Variants in PRDM15 observed in about 807,000 individuals in gnomAD.
PRDM15 encodes PR domain zinc finger protein 15.
Under a neutral mutation model 128.6 loss-of-function variants are expected in PRDM15, and 64 were observed. The observed-to-expected ratio is 0.50, with a 90% CI of 0.41 to 0.61. PRDM15 has a LOEUF of 0.61. Among genes scored for constraint, PRDM15 ranks in the 20% least tolerant of loss-of-function variants. The probability of loss-of-function intolerance (pLI) is 0.00; values close to 1 mark genes in which losing one functional copy is unlikely to be tolerated. For synonymous variants in PRDM15, 615 were observed against 621.8 expected, an observed-to-expected ratio of 0.99 and a Z score of 0.16; for missense variants, 1,242 against 1,569.1, an observed-to-expected ratio of 0.79 and a Z score of 3.52.
intron 1 of PRDM15, among the ~76,000 whole-genome samples, chr21:41,876,507 C>A (rs556785300): frequency 1.4e-4 from 22 of 152,308 alleles, no homozygotes; most frequent in Non-Finnish European, 3.1e-4. Context: ...GCTCCCGCAG[C>A]TGCTGCAGAC....
At chr21:41,874,526 T>TA (rs370122401) in intron 1 of PRDM15, among the ~76,000 whole-genome samples, 2,462 of 40,884 alleles carry the variant, frequency 0.06, 32 homozygotes, top group South Asian at 0.078. Flanking sequence ...TATATATATA[T>TA]TTTTTTTTTT....
At chr21:41,876,458 T>C (rs2064418815) in intron 1 of PRDM15, among the ~76,000 whole-genome samples, 2 of 152,108 alleles carry the variant, frequency 1.3e-5, no homozygotes, top group African/African-American at 4.8e-5. Flanking sequence ...AAAGATCAAC[T>C]TGTCATCAAC....
At chr21:41,833,555 AATAAGT>A (rs1266805047) in intron 11 of PRDM15, among the ~76,000 whole-genome samples, 7 of 152,312 alleles carry the variant, frequency 4.6e-5, no homozygotes, top group Admixed American at 3.3e-4. Context: ...CAATACTATA[AATAAGT>A]ATAAGAGCAT....
Position 41,801,097 on chromosome 21 carries a change from G to A in PRDM15, c.*143C>T. 1.7e-6 allele frequency: 2 copies of A among 1,199,290 alleles called. No individual in the cohort carries two copies. Among genetic ancestry groups the A allele is most frequent in the South Asian group, 3.3e-5 (2 of 60,542 alleles). 74.3% of individuals were successfully genotyped at this position (1,199,290 alleles called of 1,614,324 possible). ...GACAGACCGTAATGGTTGCTGGCGG[G>A]GGATCTGGAGATACTCTGCAAAGCT... On this transcript the variant is annotated 3_prime_UTR_variant, in exon 24 of 24. Coordinates refer to ENST00000398548, the MANE Select transcript of PRDM15 (RefSeq NM_001040424.3).
At chr21:41,872,358 C>G (rs1480562423) in intron 1 of PRDM15, among the ~76,000 whole-genome samples, 2 of 152,186 alleles carry the variant, frequency 1.3e-5, no homozygotes, top group East Asian at 3.8e-4. Flanking sequence ...TTCCCCTCCC[C>G]TCATTTCCCA....
At chr21:41,807,437 G>A (rs767985215) in intron 21 of PRDM15, among the ~76,000 whole-genome samples, 1 of 152,114 alleles carries the variant, frequency 6.6e-6, no homozygotes. Flanking sequence ...CATCACCAAC[G>A]GGGACAGGCT....
chr21:41,848,023 C>A (rs1043952001), intron 5 of PRDM15, among the ~76,000 whole-genome samples: 1 of 152,236 alleles, frequency 6.6e-6, no homozygotes, highest in African/African-American at 2.4e-5. Context: ...AGGCCAGTTT[C>A]TCTACACCTC....
At position 41,819,709 on chromosome 21, in the gene PRDM15, C is replaced by T; in HGVS notation, c.2141-8G>A. On this transcript the variant is annotated splice_polypyrimidine_tract_variant and splice_region_variant and intron_variant, in intron 17 of 23. Transcript: ENST00000398548. Reference sequence around the variant, plus strand: ...AGGCGTGGCTCTTCACACCTGAGAACACAGGCATCTGCCACTCAGAGCCGA... The same window carrying T: ...AGGCGTGGCTCTTCACACCTGAGAATACAGGCATCTGCCACTCAGAGCCGA... The T allele has an allele frequency of 6.3e-7, 1 of 1,595,162 alleles. No homozygotes were observed. Among genetic ancestry groups the T allele is most frequent in the South Asian group, 1.1e-5 (1 of 89,098 alleles).
intron 14 of PRDM15, 151 bp downstream of exon 14, chr21:41,823,167 G>C (rs2062344065): frequency 1.0e-6 from 1 of 1,004,058 alleles, no homozygotes; most frequent in African/African-American, 1.6e-5. Context: ...ATCTATGGGG[G>C]CTTTGGGGTC....
At chr21:41,869,540 A>G (rs2064138930) in intron 1 of PRDM15, among the ~76,000 whole-genome samples, 2 of 148,692 alleles carry the variant, frequency 1.3e-5, no homozygotes, top group Admixed American at 1.4e-4. Context: ...TCCGCCTCCC[A>G]GGTTCAAGTG....
chr21:41,878,829 C>A (rs1601521898), intron 1 of PRDM15: 16 of 986,644 alleles, frequency 1.6e-5, no homozygotes, highest in Non-Finnish European at 1.9e-5. Context: ...GCGGCGGGGG[C>A]CGCGGGGCCG....
intron 18 of PRDM15, among the ~76,000 whole-genome samples, chr21:41,817,463 C>A (rs548610105): frequency 1.3e-5 from 2 of 152,180 alleles, no homozygotes; most frequent in Non-Finnish European, 2.9e-5. Context: ...AACAGCCTCC[C>A]ACTTGGTCCC....
intron 11 of PRDM15, among the ~76,000 whole-genome samples, chr21:41,831,893 A>C (rs1601276780): frequency 1.3e-5 from 2 of 152,274 alleles, no homozygotes; most frequent in Admixed American, 1.3e-4. Flanking sequence ...CCATAAGAGG[A>C]GCACCGTGAC....
intron 3 of PRDM15, among the ~76,000 whole-genome samples, chr21:41,858,401 A>G (rs1162434520): frequency 6.6e-6 from 1 of 150,792 alleles, no homozygotes; most frequent in Non-Finnish European, 1.5e-5. Context: ...CCTCCGACAG[A>G]GGCGGACATT....
rs779880963 is a variant in PRDM15, at chr21:41,810,246, C to T, written c.2560G>A (p.Asp854Asn). 19 of 1,613,176 alleles carry T rather than the reference C, an allele frequency of 1.2e-5. No individual in the cohort carries two copies. In the African/African-American group the frequency reaches 1.6e-4, roughly 14 times the overall value. The change falls in exon 21 of 24, where the codon GAC becomes AAC. Residue 854 changes from aspartate (D) to asparagine (N), a missense_variant. Physicochemically the swap from Asp to Asn is conservative, Grantham distance 23 (BLOSUM62 1). Coordinates refer to ENST00000398548, the MANE Select transcript of PRDM15 (RefSeq NM_001040424.3). The surrounding 1 kb of genome is among the most constrained non-coding windows in gnomAD (Gnocchi z 6.4). ...TGGCAGCTCTGCGCCTCCACCTTGT[C>T]GTGTGTGAGCTGAACGTGCTTCTGC... Reference protein sequence around the residue: ...MLQKHVQLTHDKVEAQSCQLC... With the variant: ...MLQKHVQLTHNKVEAQSCQLC...
Position 41,828,242 on chromosome 21 carries a change from C to T in PRDM15, c.1458G>A (p.Lys486=), listed in dbSNP as rs1201280895. The part of the protein sequence containing the change: ...SKHKKKHGDK[K]FACEVCSKMF... ...TCTTGCTGCAGACCTCACAGGCAAACTTCTTGTCGCCGTGCTTCTTCTTGT... is the reference window on the plus strand; with the variant it reads ...TCTTGCTGCAGACCTCACAGGCAAATTTCTTGTCGCCGTGCTTCTTCTTGT... The change falls in exon 12 of 24, where the codon AAG becomes AAA. Residue 486 remains lysine, a synonymous_variant. Coordinates refer to ENST00000398548, the MANE Select transcript of PRDM15 (RefSeq NM_001040424.3). The surrounding 1 kb of genome is among the most constrained non-coding windows in gnomAD (Gnocchi z 5.7). 1 of 1,613,964 alleles carries T rather than the reference C, an allele frequency of 6.2e-7. No homozygotes were observed. Among genetic ancestry groups the T allele is most frequent in the African/African-American group, 1.3e-5 (1 of 74,886 alleles).
intron 12 of PRDM15, among the ~76,000 whole-genome samples, chr21:41,827,494 T>A (rs548532519): frequency 1.3e-5 from 2 of 152,266 alleles, no homozygotes; most frequent in South Asian, 2.1e-4. Flanking sequence ...GCACTACAAG[T>A]ATGTGCCACC....
chr21:41,849,999 T>C (rs955042405), intron 5 of PRDM15, among the ~76,000 whole-genome samples: 7 of 152,136 alleles, frequency 4.6e-5, no homozygotes, highest in African/African-American at 1.4e-4. Context: ...GCAACAGCAG[T>C]TGAGTTAGAA....
At chr21:41,834,848 G>A (rs997724872) in intron 11 of PRDM15, among the ~76,000 whole-genome samples, 1 of 152,240 alleles carries the variant, frequency 6.6e-6, no homozygotes, top group Middle Eastern at 3.2e-3. Flanking sequence ...CAGGCCCGAA[G>A]AGGCCACCTC....
Sources: gnomAD v4.1 joint callset for allele counts (sites outside exome capture counted in the v4.1 genomes callset) on GRCh38, gnomAD v4.1.1 for gene constraint, Gnocchi (gnomAD v3.1) non-coding constraint, MANE v1.5 for transcripts, NCBI Gene and HGNC (gene_info 2026-07-23, HGNC 2026-07-21) for gene names.